Variants in FBXO30 observed in about 807,000 individuals in gnomAD.
The protein encoded by FBXO30 is F-box only protein 30.
Under a neutral mutation model 58.1 loss-of-function variants are expected in FBXO30, and 21 were observed. That is an observed-to-expected ratio of 0.36 (90% CI 0.26 to 0.52). The LOEUF is 0.52. Among genes scored for constraint, FBXO30 ranks in the 20% least tolerant of loss-of-function variants. FBXO30 has a pLI of 0.93. For synonymous variants in FBXO30, 309 were observed against 312.4 expected (o/e 0.99, Z 0.11); for missense variants, 744 against 897.3 (o/e 0.83, Z 2.18).
chr6:145,805,080 A>G lies in FBXO30; in HGVS notation c.1326T>C (p.Gly442=). 2 of 1,614,034 alleles carry G rather than the reference A, an allele frequency of 1.2e-6. No homozygotes were observed. The highest frequency in any genetic ancestry group is 1.7e-6 in the Non-Finnish European group (2 of 1,179,960). ...FCLGDSPGGR[G]ISDSRMADIY... The stretch of plus-strand genomic sequence containing the variant: ...TATCAGCCATGCGGCTATCAGATAT[A>G]CCCCTCCCTCCTGGAGAATCTCCTA... Residue 442 remains glycine (G), a synonymous_variant, in exon 2 of 3, where the codon GGT becomes GGC. Transcript: ENST00000237281.
intron 1 of FBXO30, among the ~76,000 whole-genome samples, chr6:145,810,458 C>T (rs6921551): frequency 0.087 from 13,296 of 152,186 alleles, 1,609 homozygotes; most frequent in African/African-American, 0.27. Flanking sequence ...AACAGTGACA[C>T]AGTAGGCACA....
rs777896008 is a variant in FBXO30, at chr6:145,805,333, T to A, written c.1073A>T (p.Asp358Val). The change falls in exon 2 of 3, where the codon GAT becomes GTT. Residue 358 changes from aspartate (D) to valine (V), a missense_variant. Coordinates refer to ENST00000237281, the MANE Select transcript of FBXO30 (RefSeq NM_032145.5). ...ACACAATTCACCTTCACCTTCATCA[T>A]CTGGCATGAGGATATGCTGAACTGT... ...NGTVQHILMP[D>V]DEGEGELCWK... The A allele has an allele frequency of 6.2e-7, 1 of 1,614,088 alleles. No homozygotes were observed. Among genetic ancestry groups the A allele is most frequent in the East Asian group, 2.2e-5 (1 of 44,880 alleles).
rs762381831 is a variant in FBXO30 at position 145,800,307 on chromosome 6, T to C, written c.2037A>G (p.Val679=). The part of the protein sequence containing the change: ...GNSSWQIKEK[V]WRFSTAFCSV... Reference sequence around the variant, plus strand: ...AACAAAATGCAGTACTAAATCGCCATACCTACAAGAAAATTCTACTTTAGA... The same window carrying C: ...AACAAAATGCAGTACTAAATCGCCACACCTACAAGAAAATTCTACTTTAGA... The change falls in exon 3 of 3, where the codon GTA becomes GTG. Residue 679 remains valine, a splice_region_variant and synonymous_variant. Transcript: ENST00000237281. 1 of 1,611,306 alleles carries C rather than the reference T, an allele frequency of 6.2e-7. No individual in the cohort carries two copies. The highest frequency in any genetic ancestry group is 8.5e-7 in the Non-Finnish European group (1 of 1,178,318).
chr6:145,811,273 A>C (rs535697724), intron 1 of FBXO30, among the ~76,000 whole-genome samples: 5 of 152,344 alleles, frequency 3.3e-5, no homozygotes, highest in Non-Finnish European at 7.3e-5. Flanking sequence ...TTCCACATAA[A>C]AATACCTTAC....
rs1777826499 is a variant in FBXO30, at chr6:145,794,213, A to G, written c.*5893T>C. On this transcript the variant is annotated 3_prime_UTR_variant, in exon 3 of 3. Coordinates refer to ENST00000237281, the MANE Select transcript of FBXO30 (RefSeq NM_032145.5). ...ATATAAATGAAATCATATAATATGT[A>G]GCCTTTTGTGTCTAGCTTCATTCAC... The G allele has an allele frequency of 6.6e-6, 1 of 151,964 alleles. No individual in the cohort carries two copies. Among genetic ancestry groups the G allele is most frequent in the African/African-American group, 2.4e-5 (1 of 41,424 alleles). The allele number at this position is 151,964 out of a possible 1,614,324, so 9.4% of individuals were successfully genotyped here.
In FBXO30 at chr6:145,804,887, A is replaced by G. The variant is rs1198971184; in HGVS notation, c.1519T>C (p.Cys507Arg). The change falls in exon 2 of 3, where the codon TGT (cysteine) becomes CGT (arginine). Residue 507 changes from cysteine to arginine, a missense_variant. This residue lies in a region of FBXO30 where 334 missense variants were observed against 433.7 expected (regional missense o/e 0.77). Coordinates refer to ENST00000237281, the MANE Select transcript of FBXO30 (RefSeq NM_032145.5). ...TGCTTGGGTTGGTACCTAGCGACACATTCCAATACTAAATCCAGCCCAAGT... is the reference window on the plus strand; with the variant it reads ...TGCTTGGGTTGGTACCTAGCGACACGTTCCAATACTAAATCCAGCCCAAGT... ...QTLGLDLVLECVARYQPKQRS... is the reference protein window; with the variant it reads ...QTLGLDLVLERVARYQPKQRS... 1.2e-6 allele frequency: 2 copies of G among 1,613,902 alleles called. No individual in the cohort carries two copies. The highest frequency in any genetic ancestry group is 1.7e-6 in the Non-Finnish European group (2 of 1,179,900).
At position 145,804,368 on chromosome 6, in the gene FBXO30, T is replaced by G. The variant is rs754949002; in HGVS notation, c.2034+4A>C. On this transcript the variant is annotated splice_donor_region_variant and intron_variant, in intron 2 of 2. Coordinates refer to ENST00000237281, the MANE Select transcript of FBXO30 (RefSeq NM_032145.5). The stretch of plus-strand genomic sequence containing the variant: ...AAATAAGAGGTTGTAAAGATTACAC[T>G]AACCTTTTCTTTTATCTGCCATGAT... The G allele has an allele frequency of 1.7e-5, 27 of 1,607,800 alleles. No homozygotes were observed. In the African/African-American group the frequency reaches 2.8e-4, roughly 17 times the overall value.
In FBXO30 at chr6:145,805,850, T is replaced by C. The variant is rs534890951; in HGVS notation, c.556A>G (p.Thr186Ala). ...EESYGALYQA[T>A]VETTRSLAAA... The stretch of plus-strand genomic sequence containing the variant: ...GCCAAACTTCTGGTTGTTTCTACAG[T>C]AGCTTGATAAAGTGCACCATAAGAT... The change falls in exon 2 of 3, where the codon ACT (threonine) becomes GCT (alanine). Residue 186 changes from threonine to alanine, a missense_variant. By Grantham distance (58) the Thr-to-Ala change is moderately conservative. This residue lies in a region of FBXO30 where 275 missense variants were observed against 262.0 expected (regional missense o/e 1.05). Transcript: ENST00000237281. 25 of 1,614,052 alleles carry C rather than the reference T, an allele frequency of 1.5e-5. No individual in the cohort carries two copies. The South Asian group carries it at 2.6e-4, about 17-fold the overall frequency.
chr6:145,800,789 A>G (rs970832836), intron 2 of FBXO30, among the ~76,000 whole-genome samples: 6 of 152,128 alleles, frequency 3.9e-5, no homozygotes, highest in African/African-American at 1.2e-4. Context: ...AAAATACCCT[A>G]GAATATTGTG....
Position 145,814,782 on chromosome 6 carries a change from C to T in FBXO30, c.-196G>A, listed in dbSNP as rs1192282304. 4.6e-5 allele frequency: 7 copies of T among 152,414 alleles called. No individual in the cohort carries two copies. The East Asian group carries it at 5.8e-4, about 13-fold the overall frequency. 9.4% of individuals were successfully genotyped at this position (152,414 alleles called of 1,614,324 possible). On this transcript the variant is annotated 5_prime_UTR_variant, in exon 1 of 3. Transcript: ENST00000237281. ...TCTCCCGGCCTGCTCCAGAGGCAGC[C>T]ACCCTCCTCGCGCGCCCCGCCCCGC...
At position 145,805,321 on chromosome 6, in the gene FBXO30, T is replaced by C; in HGVS notation, c.1085A>G (p.Glu362Gly). Reference sequence around the variant, plus strand: ...TACTTTTTTCCAACACAATTCACCTTCACCTTCATCATCTGGCATGAGGAT... The same window carrying C: ...TACTTTTTTCCAACACAATTCACCTCCACCTTCATCATCTGGCATGAGGAT... ...QHILMPDDEGEGELCWKKVDL... is the reference protein window; with the variant it reads ...QHILMPDDEGGGELCWKKVDL... The change falls in exon 2 of 3, where the codon GAA (glutamate) becomes GGA (glycine). Residue 362 changes from glutamate (E) to glycine (G), a missense_variant. Glu to Gly is a moderately conservative substitution (Grantham distance 98, BLOSUM62 -2). Around this residue, in one of 3 missense-constraint regions of FBXO30, gnomAD observed 275 missense variants for 262.0 expected, o/e 1.05. Coordinates refer to ENST00000237281, the MANE Select transcript of FBXO30 (RefSeq NM_032145.5). 6.2e-7 allele frequency: 1 copy of C among 1,614,106 alleles called. No homozygotes were observed. The highest frequency in any genetic ancestry group is 8.5e-7 in the Non-Finnish European group (1 of 1,179,976).
In FBXO30 at chr6:145,797,677, G is replaced by A. The variant is rs1047515963; in HGVS notation, c.*2429C>T. On this transcript the variant is annotated 3_prime_UTR_variant, in exon 3 of 3. Coordinates refer to ENST00000237281, the MANE Select transcript of FBXO30 (RefSeq NM_032145.5). ...TCTCAAAATCTAGAAAAAAGAGTGAGAGAGGGAGAAGGGAAAGGGAGAGGG... is the reference window on the plus strand; with the variant it reads ...TCTCAAAATCTAGAAAAAAGAGTGAAAGAGGGAGAAGGGAAAGGGAGAGGG... The A allele has an allele frequency of 2.0e-5, 3 of 152,038 alleles. No homozygotes were observed. Among genetic ancestry groups the A allele is most frequent in the African/African-American group, 7.2e-5 (3 of 41,420 alleles). 9.4% of individuals were successfully genotyped at this position (152,038 alleles called of 1,614,324 possible). A position where few individuals can be genotyped will look rare whatever the true frequency, so the allele number is the denominator to read the frequency against.
Position 145,797,518 on chromosome 6 carries a change from C to T in FBXO30, c.*2588G>A, listed in dbSNP as rs1490652216. Reference sequence around the variant, plus strand: ...TCTTGTTAAAACAGATTGTTGGGTCCCACCCCAGAGTTCCTGATTCACTAA... The same window carrying T: ...TCTTGTTAAAACAGATTGTTGGGTCTCACCCCAGAGTTCCTGATTCACTAA... On this transcript the variant is annotated 3_prime_UTR_variant, in exon 3 of 3. Transcript: ENST00000237281. 2 of 151,938 alleles carry T rather than the reference C, an allele frequency of 1.3e-5. No individual in the cohort carries two copies. Among genetic ancestry groups the T allele is most frequent in the Non-Finnish European group, 2.9e-5 (2 of 67,932 alleles). The allele number at this position is 151,938 out of a possible 1,614,324, so 9.4% of individuals were successfully genotyped here.
At position 145,795,765 on chromosome 6, in the gene FBXO30, C is replaced by T. The variant is rs377499252; in HGVS notation, c.*4341G>A. ...GGTAACAAAGCACCTCAAGATGTAT[C>T]GCCATTAATACATCTCAAGGTGTAC... On this transcript the variant is annotated 3_prime_UTR_variant, in exon 3 of 3. Coordinates refer to ENST00000237281, the MANE Select transcript of FBXO30 (RefSeq NM_032145.5). 1 of 151,750 alleles carries T rather than the reference C, an allele frequency of 6.6e-6. No individual in the cohort carries two copies. The highest frequency in any genetic ancestry group is 1.5e-5 in the Non-Finnish European group (1 of 67,814). 9.4% of individuals were successfully genotyped at this position (151,750 alleles called of 1,614,324 possible). A position where few individuals can be genotyped will look rare whatever the true frequency, so the allele number is the denominator to read the frequency against.
In FBXO30 at chr6:145,806,112, T is replaced by C. The variant is rs1373433293; in HGVS notation, c.294A>G (p.Pro98=). ...VCCTMEWNRW[P]VSYADRKSYE... ...ATGATTTCCGGTCTGCATAACTAAC[T>C]GGCCATCGATTCCATTCCATAGTAC... Residue 98 remains proline, a synonymous_variant, in exon 2 of 3, where the codon CCA becomes CCG. Coordinates refer to ENST00000237281, the MANE Select transcript of FBXO30 (RefSeq NM_032145.5). The C allele has an allele frequency of 1.2e-6, 2 of 1,614,116 alleles. No homozygotes were observed. The highest frequency in any genetic ancestry group is 2.2e-5 in the East Asian group (1 of 44,880).
intron 1 of FBXO30, among the ~76,000 whole-genome samples, chr6:145,813,693 G>C (rs886172455): frequency 0.022 from 5 of 226 alleles, no homozygotes; most frequent in Non-Finnish European, 0.04. Context: ...TGTATTAAAA[G>C]ATTTTAAATT....
chr6:145,799,254 A>G lies in FBXO30; in HGVS notation c.*852T>C, dbSNP rs933415336. 4 of 152,492 alleles carry G rather than the reference A, an allele frequency of 2.6e-5. No homozygotes were observed. Among genetic ancestry groups the G allele is most frequent in the African/African-American group, 9.7e-5 (4 of 41,446 alleles). 9.4% of individuals were successfully genotyped at this position (152,492 alleles called of 1,614,324 possible). A position where few individuals can be genotyped will look rare whatever the true frequency, so the allele number is the denominator to read the frequency against. On this transcript the variant is annotated 3_prime_UTR_variant, in exon 3 of 3. Coordinates refer to ENST00000237281, the MANE Select transcript of FBXO30 (RefSeq NM_032145.5). ...AACATTTAATAGTCAAGCCCTTTGCATTCTGAATATTTGAAATTTACACAA... is the reference window on the plus strand; with the variant it reads ...AACATTTAATAGTCAAGCCCTTTGCGTTCTGAATATTTGAAATTTACACAA...
rs1390278949 is a variant in FBXO30, at chr6:145,800,135, G to A, written c.2209C>T (p.Leu737=). 3.1e-6 allele frequency: 5 copies of A among 1,612,814 alleles called. No homozygotes were observed. Among genetic ancestry groups the A allele is most frequent in the Non-Finnish European group, 4.2e-6 (5 of 1,179,134 alleles). Residue 737 remains leucine, a synonymous_variant, in exon 3 of 3, where the codon CTA becomes TTA. Coordinates refer to ENST00000237281, the MANE Select transcript of FBXO30 (RefSeq NM_032145.5). ...TRELTKEGRS[L]RSVLKPVL The stretch of plus-strand genomic sequence containing the variant: ...AGTACAGGTTTTAAAACTGAGCGTA[G>A]TGAACGTCCTTCTTTAGTGAGTTCT...
rs748951805 is a variant in FBXO30 at position 145,804,511 on chromosome 6, C to T, written c.1895G>A (p.Ser632Asn). 1 of 1,613,738 alleles carries T rather than the reference C, an allele frequency of 6.2e-7. No individual in the cohort carries two copies. The highest frequency in any genetic ancestry group is 1.1e-5 in the South Asian group (1 of 91,072). Reference protein sequence around the residue: ...QHIAGFLDGFSLCQLSCVSKL... With the variant: ...QHIAGFLDGFNLCQLSCVSKL... The stretch of plus-strand genomic sequence containing the variant: ...GGATACACATGAGAGCTGACATAAG[C>T]TGAAGCCATCGAGAAAGCCTGCAAT... The change falls in exon 2 of 3, where the codon AGC (serine) becomes AAC (asparagine). Residue 632 changes from serine (S) to asparagine (N), a missense_variant. By Grantham distance (46) the Ser-to-Asn change is conservative. Coordinates refer to ENST00000237281, the MANE Select transcript of FBXO30 (RefSeq NM_032145.5).
Sources: gnomAD v4.1 joint callset for allele counts (sites outside exome capture counted in the v4.1 genomes callset) on GRCh38, gnomAD v4.1.1 for gene constraint, gnomAD v4.1.1 regional missense constraint, MANE v1.5 for transcripts, NCBI Gene and HGNC (gene_info 2026-07-23, HGNC 2026-07-21) for gene names.